Variants in PLAT observed in about 807,000 individuals in gnomAD.
PLAT encodes the protein plasminogen activator, tissue type.
In PLAT, 48 loss-of-function variants were observed where a neutral mutation model predicts 74.9. The ratio of observed to expected loss-of-function variants is 0.64; its 90% CI spans 0.51 to 0.82. PLAT has a LOEUF of 0.82. PLAT is among the 40% of genes least tolerant of loss of function. The pLI is 0.00. For synonymous variants in PLAT, 307 were observed against 294.4 expected, an observed-to-expected ratio of 1.04 and a Z score of -0.44; for missense variants, 673 against 736.2, an observed-to-expected ratio of 0.91 and a Z score of 0.99.
chr8:42,201,500 T>C (rs1413226403), intron 1 of PLAT, among the ~76,000 whole-genome samples: 1 of 152,152 alleles, frequency 6.6e-6, no homozygotes, highest in Non-Finnish European at 1.5e-5. Context: ...GGGGTCCTCA[T>C]GGATCCCCGT....
At chr8:42,199,395 C>T (rs568110184) in intron 1 of PLAT, among the ~76,000 whole-genome samples, 14 of 152,076 alleles carry the variant, frequency 9.2e-5, no homozygotes, top group Non-Finnish European at 1.6e-4. Flanking sequence ...TCACTTGAGG[C>T]GAGGAGTTCA....
At chr8:42,184,696 T>TG (rs1178177083) in intron 7 of PLAT, 2 of 131,310 alleles carry the variant, frequency 1.5e-5, no homozygotes, top group East Asian at 3.8e-4. Context: ...TCTTGGAAGT[T>TG]TTTTTTTTTT....
intron 1 of PLAT, among the ~76,000 whole-genome samples, chr8:42,198,075 G>A (rs1805983405): frequency 1.3e-5 from 2 of 152,240 alleles, no homozygotes; most frequent in South Asian, 4.1e-4. Flanking sequence ...GTTCACGCCT[G>A]TAACCCCAGC....
intron 9 of PLAT, 117 bp downstream of exon 9, chr8:42,181,820 T>A: frequency 2.7e-4 from 92 of 345,170 alleles, no homozygotes; most frequent in Middle Eastern, 7.9e-4. Flanking sequence ...CCACCCAGCC[T>A]GGAAGTCTGG....
At chr8:42,201,122 G>A (rs959277664) in intron 1 of PLAT, among the ~76,000 whole-genome samples, 6 of 152,140 alleles carry the variant, frequency 3.9e-5, no homozygotes, top group African/African-American at 9.7e-5. Flanking sequence ...GAGCCAACAC[G>A]CCTGGCCATA....
chr8:42,182,701 C>A lies in PLAT; in HGVS notation c.803+18G>T, dbSNP rs370013834. Reference sequence around the variant, plus strand: ...ACGTTCTGCCAAGACCTGAACCCCCCACCCCTGTGCTACCTACCGGCAGTA... The same window carrying A: ...ACGTTCTGCCAAGACCTGAACCCCCAACCCCTGTGCTACCTACCGGCAGTA... On this transcript the variant is annotated intron_variant, in intron 8 of 13. Coordinates refer to ENST00000220809, the MANE Select transcript of PLAT (RefSeq NM_000930.5). 2.5e-6 allele frequency: 4 copies of A among 1,584,544 alleles called. No individual in the cohort carries two copies. Among genetic ancestry groups the A allele is most frequent in the African/African-American group, 1.4e-5 (1 of 73,784 alleles).
chr8:42,202,210 T>G (rs1324443917), intron 1 of PLAT, among the ~76,000 whole-genome samples: 1 of 151,780 alleles, frequency 6.6e-6, no homozygotes, highest in African/African-American at 2.4e-5. Flanking sequence ...TTCATTTTTT[T>G]GTAGAGACAG....
chr8:42,190,699 A>G (rs940120547), intron 3 of PLAT, among the ~76,000 whole-genome samples: 5 of 152,180 alleles, frequency 3.3e-5, no homozygotes, highest in Admixed American at 2.6e-4. Context: ...CCAGACTCGA[A>G]GGAACTGGGT....
At chr8:42,202,455 T>C (rs8178692) in intron 1 of PLAT, among the ~76,000 whole-genome samples, 3,140 of 152,222 alleles carry the variant, frequency 0.021, 125 homozygotes, top group African/African-American at 0.072. Flanking sequence ...TCTATGGGGC[T>C]GGAGAAGCTG....
At chr8:42,194,906 G>C (rs923891817) in intron 1 of PLAT, among the ~76,000 whole-genome samples, 12 of 151,986 alleles carry the variant, frequency 7.9e-5, no homozygotes, top group Admixed American at 3.3e-4. Context: ...TTGGTCGGAA[G>C]ACTCAGATCT....
chr8:42,205,990 C>T (rs1196182754), intron 1 of PLAT, among the ~76,000 whole-genome samples: 2 of 152,196 alleles, frequency 1.3e-5, no homozygotes, highest in African/African-American at 4.8e-5. Flanking sequence ...AAATCAAAGC[C>T]TCAGTGAACT....
chr8:42,192,136 T>TG (rs936930867), intron 2 of PLAT, among the ~76,000 whole-genome samples: 4 of 151,826 alleles, frequency 2.6e-5, no homozygotes, highest in Admixed American at 2.6e-4. Context: ...CCTGAGTAGC[T>TG]GGGACCACAG....
At position 42,181,939 on chromosome 8, in the gene PLAT, CAGG is replaced by C. The variant is rs768073712; in HGVS notation, c.884_886del (p.Ser295del). ...GGCAGCCGGGGCCCAGCCCTTACAG[CAGG>C]AGGGCACATCACAGTACTCCCACGT... is the stretch of plus-strand genomic sequence containing the variant. On this transcript the variant is annotated inframe_deletion, in exon 9 of 14. Coordinates refer to ENST00000220809, the MANE Select transcript of PLAT (RefSeq NM_000930.5). 1 of 1,597,164 alleles carries C rather than the reference CAGG, an allele frequency of 6.3e-7. No homozygotes were observed. The highest frequency in any genetic ancestry group is 1.1e-5 in the South Asian group (1 of 90,690).
At chr8:42,187,314 G>A in intron 6 of PLAT, 84 bp downstream of exon 6, 3 of 1,234,298 alleles carry the variant, frequency 2.4e-6, no homozygotes, top group Non-Finnish European at 3.3e-6. Flanking sequence ...TTTCTTGGGA[G>A]AACCCTGACG....
chr8:42,191,470 T>A, intron 2 of PLAT, 56 bp from the exon 3 acceptor site: 1 of 1,552,346 alleles, frequency 6.4e-7, no homozygotes, highest in Non-Finnish European at 8.9e-7. Context: ...GTACTAAGAG[T>A]AAAGGCGGCC....
Position 42,175,823 on chromosome 8 carries a change from AT to A in PLAT, c.*169del. On this transcript the variant is annotated 3_prime_UTR_variant, in exon 14 of 14. Transcript: ENST00000220809. Reference sequence around the variant, plus strand: ...AGACCAAGTCCTGAAAACTTCCAAAATGGGAAGTATCTGGGAAAATGCACTC... The same window carrying A: ...AGACCAAGTCCTGAAAACTTCCAAAAGGGAAGTATCTGGGAAAATGCACTC... 1 of 609,200 alleles carries A rather than the reference AT, an allele frequency of 1.6e-6. No homozygotes were observed. Among genetic ancestry groups the A allele is most frequent in the Non-Finnish European group, 2.9e-6 (1 of 347,164 alleles). The allele number at this position is 609,200 out of a possible 1,614,324, so 37.7% of individuals were successfully genotyped here. A position where few individuals can be genotyped will look rare whatever the true frequency, so the allele number is the denominator to read the frequency against.
At chr8:42,207,031 C>T (rs1806367222) in intron 1 of PLAT, among the ~76,000 whole-genome samples, 1 of 152,198 alleles carries the variant, frequency 6.6e-6, no homozygotes, top group Non-Finnish European at 1.5e-5. Flanking sequence ...TCTGCCCCAT[C>T]CACAGCCTCA....
At chr8:42,181,055 C>T (rs546785740) in intron 9 of PLAT, among the ~76,000 whole-genome samples, 17 of 152,350 alleles carry the variant, frequency 1.1e-4, no homozygotes, top group African/African-American at 1.7e-4. Context: ...TCCAACCTTA[C>T]CCATGCTTCA....
Position 42,180,790 on chromosome 8 carries a change from TTGG to T in PLAT, c.890-108_890-106del, listed in dbSNP as rs541479111. 25 of 757,934 alleles carry T rather than the reference TTGG, an allele frequency of 3.3e-5. 1 individual carries two copies. In the South Asian group the frequency reaches 4.4e-4, roughly 13 times the overall value. 47.0% of individuals were successfully genotyped at this position (757,934 alleles called of 1,614,324 possible). ...ATGGCTGTAAAACCACAACTTTCAC[TTGG>T]TGGGATCAGCATGCCGAATGTTGTC... is the stretch of plus-strand genomic sequence containing the variant. On this transcript the variant is annotated intron_variant, in intron 9 of 13. Transcript: ENST00000220809.
Sources: allele counts gnomAD v4.1 joint callset (sites outside exome capture counted in the v4.1 genomes callset), GRCh38; gene constraint gnomAD v4.1.1; transcripts MANE v1.5; gene names NCBI Gene and HGNC (gene_info 2026-07-23, HGNC 2026-07-21).